Variants in IQSEC1 observed in about 807,000 individuals in gnomAD.
The protein encoded by IQSEC1 is IQ motif and SEC7 domain-containing protein 1.
In IQSEC1, 31 loss-of-function variants were observed where a neutral mutation model predicts 91.0. The ratio of observed to expected loss-of-function variants is 0.34; its 90% CI spans 0.26 to 0.46. IQSEC1 has a LOEUF of 0.46. IQSEC1 is among the 20% of genes least tolerant of loss of function. The probability of loss-of-function intolerance (pLI) is 1.00; values close to 1 mark genes in which losing one functional copy is unlikely to be tolerated. For synonymous variants in IQSEC1, 699 were observed against 662.6 expected, an observed-to-expected ratio of 1.05 and a Z score of -0.84; for missense variants, 1,388 against 1,575.6, an observed-to-expected ratio of 0.88 and a Z score of 2.02.
intron 2 of IQSEC1, among the ~76,000 whole-genome samples, chr3:13,158,229 G>A (rs904862789): frequency 2.0e-5 from 3 of 152,182 alleles, no homozygotes; most frequent in African/African-American, 2.4e-5. Context: ...GCCCCAGCCC[G>A]TCTCTCACAT....
In IQSEC1 at chr3:12,900,463, ATATATTTATATATTTATATATT is replaced by A; in HGVS notation, c.*498_*519del. ...TACTACCTATACAGTATATATATAT[ATATATTTATATATTTATATATT>A]TATATAAAGTTTACTTACGTATTTT... On this transcript the variant is annotated 3_prime_UTR_variant, in exon 14 of 14. Coordinates refer to ENST00000613206, the MANE Select transcript of IQSEC1 (RefSeq NM_001134382.3). 1.5e-6 allele frequency: 1 copy of A among 649,568 alleles called. No homozygotes were observed. The highest frequency in any genetic ancestry group is 1.9e-6 in the Non-Finnish European group (1 of 526,588). The allele number at this position is 649,568 out of a possible 1,614,324, so 40.2% of individuals were successfully genotyped here.
chr3:13,008,897 T>C lies in IQSEC1; in HGVS notation c.23+64095A>G, dbSNP rs1453846352. Among the ~76,000 whole-genome samples the C allele has an allele frequency of 2.0e-5, 3 of 152,188 alleles. No individual in the cohort carries two copies. The highest frequency in any genetic ancestry group is 4.4e-5 in the Non-Finnish European group (3 of 68,026). ...GGCTTTCAGTTAACCCTCTCATTCA[T>C]GCATGAGGGGGTGCTTATTAAGCCA... is the stretch of plus-strand genomic sequence containing the variant. On this transcript the variant is annotated intron_variant, in intron 1 of 13. Coordinates refer to ENST00000613206, the MANE Select transcript of IQSEC1 (RefSeq NM_001134382.3). This position sits in a 1 kb window ranked among gnomAD's most constrained non-coding sequence, Gnocchi z 4.1.
chr3:12,917,579 TTC>T lies in IQSEC1; in HGVS notation c.2021-1848_2021-1847del. Among the ~76,000 whole-genome samples the T allele has an allele frequency of 2.0e-5, 3 of 152,374 alleles. No individual in the cohort carries two copies. In the South Asian group the frequency reaches 6.2e-4, roughly 32 times the overall value. ...CATCTCTTCATGGTCGATAGCTCAC[TTC>T]TCTTTCGTGCTGAGCACTATTCCAC... On this transcript the variant is annotated intron_variant, in intron 6 of 13. Coordinates refer to ENST00000613206, the MANE Select transcript of IQSEC1 (RefSeq NM_001134382.3).
chr3:13,197,659 A>G (rs983199794), intron 1 of IQSEC1, among the ~76,000 whole-genome samples: 7 of 152,334 alleles, frequency 4.6e-5, no homozygotes, highest in Non-Finnish European at 7.4e-5. Context: ...GCTAGTCAGC[A>G]TCCCACCTTA....
chr3:12,912,157 CT>C (rs1355429398), intron 9 of IQSEC1, among the ~76,000 whole-genome samples: 1 of 152,230 alleles, frequency 6.6e-6, no homozygotes, highest in African/African-American at 2.4e-5. Context: ...TGCAGGGAGA[CT>C]GGCCCCTGGG....
At chr3:12,960,857 C>T (rs756685479) in intron 1 of IQSEC1, among the ~76,000 whole-genome samples, 5 of 152,224 alleles carry the variant, frequency 3.3e-5, no homozygotes, top group Non-Finnish European at 7.3e-5. Flanking sequence ...CCTGCCGGCA[C>T]GCATAGTCAC....
intron 1 of IQSEC1, among the ~76,000 whole-genome samples, chr3:13,227,375 C>CAAAAAAAAAAAAAA (rs753199634): frequency 1.4e-5 from 1 of 70,036 alleles, no homozygotes; most frequent in African/African-American, 6.4e-5. Flanking sequence ...GACTCTGTCT[C>CAAAAAAAAAAAAAA]AAAAAAAAAA....
At chr3:13,072,091 C>A (rs954063697) in intron 1 of IQSEC1, among the ~76,000 whole-genome samples, 6 of 152,376 alleles carry the variant, frequency 3.9e-5, no homozygotes, top group African/African-American at 1.4e-4. Flanking sequence ...CTTTTCCTAG[C>A]CTTGCGACTG....
At chr3:13,012,904 C>A (rs1403992583) in intron 1 of IQSEC1, among the ~76,000 whole-genome samples, 2 of 150,640 alleles carry the variant, frequency 1.3e-5, no homozygotes, top group Non-Finnish European at 2.9e-5. Flanking sequence ...TGGGACCCAA[C>A]ACACCCAAGG....
chr3:13,263,268 AAAAC>A (rs1380387443), intron 1 of IQSEC1, among the ~76,000 whole-genome samples: 1 of 152,044 alleles, frequency 6.6e-6, no homozygotes, highest in Non-Finnish European at 1.5e-5. Flanking sequence ...AAAACAAAAC[AAAAC>A]AAAAAACCAA....
intron 2 of IQSEC1, among the ~76,000 whole-genome samples, chr3:13,142,798 C>T (rs771345604): frequency 2.0e-5 from 3 of 152,234 alleles, no homozygotes; most frequent in East Asian, 3.8e-4. Flanking sequence ...TAAACAATGA[C>T]AGAGCTGAGT....
chr3:12,950,718 C>T (rs1489599701), intron 1 of IQSEC1, among the ~76,000 whole-genome samples: 1 of 151,830 alleles, frequency 6.6e-6, no homozygotes, highest in Admixed American at 6.6e-5. Flanking sequence ...TCTCGGCTCA[C>T]CGCAAGCTTC....
chr3:13,067,255 A>G (rs565728813), intron 1 of IQSEC1, among the ~76,000 whole-genome samples: 12 of 152,316 alleles, frequency 7.9e-5, no homozygotes, highest in African/African-American at 2.9e-4. Flanking sequence ...GGCTGGAAAG[A>G]GCGGGAAGGG....
At chr3:13,158,102 T>C (rs1707112343) in intron 2 of IQSEC1, among the ~76,000 whole-genome samples, 1 of 152,222 alleles carries the variant, frequency 6.6e-6, no homozygotes, top group Non-Finnish European at 1.5e-5. Flanking sequence ...CCAGTGTCTG[T>C]ACTCTTTTGA....
intron 2 of IQSEC1, among the ~76,000 whole-genome samples, chr3:13,129,602 T>G (rs1706572434): frequency 6.6e-6 from 1 of 152,022 alleles, no homozygotes; most frequent in Non-Finnish European, 1.5e-5. Context: ...TTTCTAATAT[T>G]GGCATTTAGT....
intron 1 of IQSEC1, among the ~76,000 whole-genome samples, chr3:13,187,649 A>G (rs1693957461): frequency 6.6e-6 from 1 of 152,178 alleles, no homozygotes; most frequent in Non-Finnish European, 1.5e-5. Context: ...ACATTTATAC[A>G]CTAAATAATA....
At chr3:12,962,753 T>A (rs954286648) in intron 1 of IQSEC1, among the ~76,000 whole-genome samples, 2 of 152,220 alleles carry the variant, frequency 1.3e-5, no homozygotes, top group African/African-American at 4.8e-5. Context: ...AGCCTGCAAG[T>A]GCAAAGGACA....
chr3:12,972,708 C>T (rs1442327291), intron 1 of IQSEC1, among the ~76,000 whole-genome samples: 1 of 152,186 alleles, frequency 6.6e-6, no homozygotes, highest in Non-Finnish European at 1.5e-5. Flanking sequence ...GAGGGATGTG[C>T]CCCAGAACTA....
rs905890467 is a variant in IQSEC1, at chr3:12,967,688, T to G, written c.24-25823A>C. On this transcript the variant is annotated intron_variant, in intron 1 of 13. Coordinates refer to ENST00000613206, the MANE Select transcript of IQSEC1 (RefSeq NM_001134382.3). The surrounding 1 kb of genome is among the most constrained non-coding windows in gnomAD (Gnocchi z 5.9). ...GCCCGCCCCTCCGCCGCCGCCCGCTTGGCGCAGCGCGAGGCCGGGCCGGAG... is the reference window on the plus strand; with the variant it reads ...GCCCGCCCCTCCGCCGCCGCCCGCTGGGCGCAGCGCGAGGCCGGGCCGGAG... 1.3e-5 allele frequency: 15 copies of G among 1,149,648 alleles called. No homozygotes were observed. The highest frequency in any genetic ancestry group is 1.6e-5 in the Non-Finnish European group (15 of 936,898). The allele number at this position is 1,149,648 out of a possible 1,614,324, so 71.2% of individuals were successfully genotyped here. A position where few individuals can be genotyped will look rare whatever the true frequency, so the allele number is the denominator to read the frequency against.
Sources: allele counts gnomAD v4.1 joint callset (sites outside exome capture counted in the v4.1 genomes callset), GRCh38; gene constraint gnomAD v4.1.1; non-coding constraint Gnocchi (gnomAD v3.1); transcripts MANE v1.5; gene names NCBI Gene and HGNC (gene_info 2026-07-23, HGNC 2026-07-21).